Variants in BRI3 observed in about 807,000 individuals in gnomAD.
BRI3 encodes the protein membrane protein BRI3.
Under a neutral mutation model 12.8 loss-of-function variants are expected in BRI3, and 6 were observed. The observed-to-expected ratio is 0.47, with a 90% CI of 0.26 to 0.93. BRI3 has a LOEUF of 0.93. BRI3 is among the 40% of genes least tolerant of loss of function. BRI3 has a pLI of 0.15. For missense variants in BRI3, 134 were observed against 171.1 expected (o/e 0.78, Z 1.21); for synonymous variants, 91 against 76.1 (o/e 1.20, Z -1.02).
chr7:98,308,067 G>C, exon 2 of BRI3: 1 of 733,974 alleles, frequency 1.4e-6, no homozygotes. Flanking sequence ...AGAAGGAACA[G>C]GGACTGTTGA....
In BRI3 at chr7:98,281,788, G is replaced by A; in HGVS notation, c.-8G>A. 2.6e-6 allele frequency: 3 copies of A among 1,147,704 alleles called. No homozygotes were observed. Among genetic ancestry groups the A allele is most frequent in the Non-Finnish European group, 3.2e-6 (3 of 934,174 alleles). 71.1% of individuals were successfully genotyped at this position (1,147,704 alleles called of 1,614,324 possible). A position where few individuals can be genotyped will look rare whatever the true frequency, so the allele number is the denominator to read the frequency against. ...CCGGGCCGGAGCGGCGGGCGCGGCC[G>A]GGCCGCCATGGACCACAAGCCGCTG... On this transcript the variant is annotated 5_prime_UTR_variant, in exon 1 of 3. Transcript: ENST00000297290.
At chr7:98,315,126 C>T (rs114724799), downstream of BRI3, among the ~76,000 whole-genome samples, 742 of 151,952 alleles carry the variant, frequency 4.9e-3, 11 homozygotes, top group African/African-American at 0.017. Flanking sequence ...TATCTCTGTA[C>T]GTATGGACTG....
intron 1 of BRI3, among the ~76,000 whole-genome samples, chr7:98,298,218 G>A (rs1486415741): frequency 1.3e-5 from 2 of 152,238 alleles, no homozygotes; most frequent in Non-Finnish European, 2.9e-5. Context: ...CTTCCCAGGT[G>A]AGTGGGATGC....
At chr7:98,295,566 C>T (rs752825941), downstream of BRI3, among the ~76,000 whole-genome samples, 4 of 152,118 alleles carry the variant, frequency 2.6e-5, no homozygotes, top group Non-Finnish European at 4.4e-5. Context: ...TGCTGGCATT[C>T]GTGGACTCTG....
upstream of BRI3, among the ~76,000 whole-genome samples, chr7:98,302,030 C>T (rs1479214503): frequency 4.6e-5 from 7 of 152,096 alleles, no homozygotes; most frequent in African/African-American, 7.2e-5. Context: ...AGGCGTGCAC[C>T]GTGCGCTGGC....
downstream of BRI3, chr7:98,310,541 C>T (rs759987237): frequency 2.0e-5 from 32 of 1,594,632 alleles, no homozygotes; most frequent in African/African-American, 6.8e-5. Flanking sequence ...CCTGAAGGAG[C>T]GGGGGGCATC....
At chr7:98,304,286 G>A (rs1562965661), upstream of BRI3, 7 of 1,613,654 alleles carry the variant, frequency 4.3e-6, no homozygotes, top group Non-Finnish European at 5.9e-6. Context: ...CTGCCCCCAT[G>A]GACAAGCATT....
the BRI3 span, among the ~76,000 whole-genome samples, chr7:98,316,328 G>C: frequency 6.6e-6 from 1 of 152,082 alleles, no homozygotes; most frequent in African/African-American, 2.4e-5. Context: ...CATGAAAATG[G>C]AGTAATAAAA....
chr7:98,293,164 G>T (rs1800041909), downstream of BRI3: 1 of 293,444 alleles, frequency 3.4e-6, no homozygotes, highest in African/African-American at 2.2e-5. Context: ...CATATCAGGT[G>T]CAGAAAGCCA....
intron 2 of BRI3, among the ~76,000 whole-genome samples, chr7:98,289,258 A>C (rs1456157374): frequency 1.3e-5 from 2 of 152,204 alleles, no homozygotes; most frequent in African/African-American, 4.8e-5. Context: ...GCACTTTGCA[A>C]CTTTTTCTTT....
downstream of BRI3, among the ~76,000 whole-genome samples, chr7:98,313,368 A>ATTCTT (rs1800948891): frequency 6.6e-6 from 1 of 152,076 alleles, no homozygotes; most frequent in Non-Finnish European, 1.5e-5. Flanking sequence ...AAGTCTAAGA[A>ATTCTT]AGACTCTGCT....
chr7:98,306,692 A>C, intron 1 of BRI3: 1 of 926,610 alleles, frequency 1.1e-6, no homozygotes, highest in Non-Finnish European at 1.6e-6. Context: ...ACATACACTG[A>C]ACAATGTGTA....
chr7:98,293,910 A>G (rs1800073239), downstream of BRI3, among the ~76,000 whole-genome samples: 1 of 152,182 alleles, frequency 6.6e-6, no homozygotes, highest in Non-Finnish European at 1.5e-5. Flanking sequence ...CGTGGTCTAA[A>G]GTAGTTGGTA....
chr7:98,293,037 A>G (rs1800035470), downstream of BRI3: 1 of 922,784 alleles, frequency 1.1e-6, no homozygotes, highest in Non-Finnish European at 1.3e-6. Flanking sequence ...TAGTATTTTC[A>G]TAATTTATAT....
chr7:98,315,421 G>T (rs115397007), downstream of BRI3: 1,259 of 1,358,220 alleles, frequency 9.3e-4, 13 homozygotes, highest in African/African-American at 0.017. Flanking sequence ...ATGAAATAAA[G>T]TTATTAATAC....
intron 1 of BRI3, chr7:98,306,782 A>C: frequency 2.2e-6 from 1 of 455,836 alleles, no homozygotes; most frequent in Non-Finnish European, 4.0e-6. Flanking sequence ...ATCATAGCTC[A>C]CAGCAGCCTC....
downstream of BRI3, chr7:98,310,518 G>C (rs1485018811): frequency 6.2e-7 from 1 of 1,605,350 alleles, no homozygotes; most frequent in Non-Finnish European, 8.5e-7. Context: ...TCAAGGGACT[G>C]GTATATGCTC....
downstream of BRI3, chr7:98,294,047 G>A (rs1454950095): frequency 1.2e-6 from 2 of 1,612,284 alleles, no homozygotes; most frequent in Non-Finnish European, 1.7e-6. Context: ...GTCACACACT[G>A]AGGCTCACGT....
chr7:98,310,327 C>G, exon 2 of BRI3: 2 of 1,157,614 alleles, frequency 1.7e-6, no homozygotes. Flanking sequence ...ATGTATCTAC[C>G]ATACCTGCTT....
Sources: gnomAD v4.1 joint callset for allele counts (sites outside exome capture counted in the v4.1 genomes callset) on GRCh38, gnomAD v4.1.1 for gene constraint, MANE v1.5 for transcripts, NCBI Gene and HGNC (gene_info 2026-07-23, HGNC 2026-07-21) for gene names.